NKX2-1: variants seen among roughly 807,000 people sequenced by gnomAD.
NKX2-1 encodes the protein homeobox protein Nkx-2.1.
In NKX2-1, 9 loss-of-function variants were observed where a neutral mutation model predicts 35.1. The observed-to-expected ratio is 0.26, with a 90% CI of 0.15 to 0.45. The LOEUF is 0.45. Among genes scored for constraint, NKX2-1 ranks in the 20% least tolerant of loss-of-function variants. The pLI is 1.00. For missense variants in NKX2-1, 509 were observed against 589.1 expected, an observed-to-expected ratio of 0.86 and a Z score of 1.41; for synonymous variants, 284 against 269.9, an observed-to-expected ratio of 1.05 and a Z score of -0.51.
chr14:36,517,097 G>T lies in NKX2-1; in HGVS notation c.*181C>A. On this transcript the variant is annotated 3_prime_UTR_variant, in exon 3 of 3. Transcript: ENST00000354822. ...AAAAAAACCCACAAATTTTAGGGGG[G>T]GAAAAAAAGAAAGACGTCCAGCAGT... 8.8e-7 allele frequency: 1 copy of T among 1,140,568 alleles called. No individual in the cohort carries two copies. Among genetic ancestry groups the T allele is most frequent in the Non-Finnish European group, 1.2e-6 (1 of 861,372 alleles). 70.7% of individuals were successfully genotyped at this position (1,140,568 alleles called of 1,614,324 possible).
chr14:36,518,050 G>C (rs781414514), intron 2 of NKX2-1, 30 bp from the exon 3 acceptor site: 1 of 1,595,134 alleles, frequency 6.3e-7, no homozygotes, highest in Non-Finnish European at 8.5e-7. Context: ...AGCGTCGGCC[G>C]GGGCCAGGCC....
chr14:36,517,250 G>T lies in NKX2-1; in HGVS notation c.*28C>A, dbSNP rs1455659686. 4 of 1,584,092 alleles carry T rather than the reference G, an allele frequency of 2.5e-6. No homozygotes were observed. In the Admixed American group the frequency reaches 7.4e-5, roughly 29 times the overall value. ...CAGGAGGGAAGCGGTGAGGCAGAGC[G>T]CTGGGCTAGGGCCGGCCCGGCGTCC... is the stretch of plus-strand genomic sequence containing the variant. On this transcript the variant is annotated 3_prime_UTR_variant, in exon 3 of 3. Coordinates refer to ENST00000354822, the MANE Select transcript of NKX2-1 (RefSeq NM_001079668.3).
chr14:36,519,609 A>C (rs763263648), intron 1 of NKX2-1: 1 of 1,532,542 alleles, frequency 6.5e-7, no homozygotes, highest in South Asian at 1.2e-5. Context: ...GCGGGGCGTA[A>C]GCGCTAAAGC....
chr14:36,517,839 G>A lies in NKX2-1; in HGVS notation c.645C>T (p.Tyr215=), dbSNP rs1566615444. 1 of 1,612,672 alleles carries A rather than the reference G, an allele frequency of 6.2e-7. No individual in the cohort carries two copies. Among genetic ancestry groups the A allele is most frequent in the Non-Finnish European group, 8.5e-7 (1 of 1,179,620 alleles). Residue 215 remains tyrosine (Y), a synonymous_variant, in exon 3 of 3, where the codon TAC becomes TAT. Coordinates refer to ENST00000354822, the MANE Select transcript of NKX2-1 (RefSeq NM_001079668.3). ...GGTGCTCGCGCTCCGGCGCCGACAG[G>A]TACTTCTGTTGCTTGAAGCGTCGCT... ...ELERRFKQQK[Y]LSAPEREHLA...
Position 36,519,078 on chromosome 14 carries a change from TGTTGCCCAG to T in NKX2-1, c.361_369del (p.Leu121_Asn123del), listed in dbSNP as rs1881209311. 1.2e-6 allele frequency: 2 copies of T among 1,601,666 alleles called. No homozygotes were observed. The highest frequency in any genetic ancestry group is 2.7e-5 in the African/African-American group (2 of 74,960). ...TCCTGGTACGGCGGCAGCTCGCTCA[TGTTGCCCAG>T]GTTGCCGTTGCAGTAGCCCCCCACG... On this transcript the variant is annotated inframe_deletion, in exon 2 of 3. Coordinates refer to ENST00000354822, the MANE Select transcript of NKX2-1 (RefSeq NM_001079668.3).
At position 36,520,035 on chromosome 14, in the gene NKX2-1, A is replaced by G. The variant is rs1028441864; in HGVS notation, c.77+18T>C. The G allele has an allele frequency of 4.3e-6, 7 of 1,612,716 alleles. No individual in the cohort carries two copies. The African/African-American group carries it at 8.0e-5, about 18-fold the overall frequency. On this transcript the variant is annotated intron_variant, in intron 1 of 2. Transcript: ENST00000354822. Reference sequence around the variant, plus strand: ...GTCTTTAGGAGGAGGGGGCTGAGGGACAGGGTGGGGGTTTCACCTGAGCCT... The same window carrying G: ...GTCTTTAGGAGGAGGGGGCTGAGGGGCAGGGTGGGGGTTTCACCTGAGCCT...
intron 1 of NKX2-1, chr14:36,519,802 G>A (rs1881262438): frequency 1.4e-6 from 2 of 1,415,778 alleles, no homozygotes; most frequent in Admixed American, 5.1e-5. Flanking sequence ...ATTTTTTGTG[G>A]GGTACCAGCG....
chr14:36,519,429 G>C, intron 1 of NKX2-1, 59 bp from the exon 2 acceptor site: 1 of 1,599,010 alleles, frequency 6.3e-7, no homozygotes, highest in Non-Finnish European at 8.5e-7. Context: ...AAGCCTCGCT[G>C]CTTTTTTTTT....
intron 2 of NKX2-1, 76 bp downstream of exon 2, chr14:36,518,909 G>C (rs759201022): frequency 2.9e-6 from 4 of 1,386,694 alleles, no homozygotes; most frequent in Admixed American, 6.8e-5. Context: ...GCCTGCCGGC[G>C]CCGCGCCTTC....
intron 2 of NKX2-1, 31 bp from the exon 3 acceptor site, chr14:36,518,051 G>C: frequency 1.3e-6 from 2 of 1,594,582 alleles, no homozygotes; most frequent in East Asian, 2.2e-5. Context: ...GCGTCGGCCG[G>C]GGCCAGGCCG....
Position 36,517,484 on chromosome 14 carries a change from T to C in NKX2-1, c.1000A>G (p.Ile334Val). ...CCGGCGCCACCGCTGCCCACGGAGA[T>C]GGCCGCTGCCGCCGCCTGCGCGGCC... ...AQAAQAAAAA[I>V]SVGSGGAGLG... The change falls in exon 3 of 3, where the codon ATC becomes GTC. Residue 334 changes from isoleucine to valine, a missense_variant. Physicochemically the swap from Ile to Val is conservative, Grantham distance 29. Around this residue, in one of 5 missense-constraint regions of NKX2-1, gnomAD observed 212 missense variants for 227.7 expected, o/e 0.93. Transcript: ENST00000354822. The C allele has an allele frequency of 1.5e-6, 2 of 1,362,792 alleles. No homozygotes were observed. The highest frequency in any genetic ancestry group is 1.9e-6 in the Non-Finnish European group (2 of 1,063,492). 84.4% of individuals were successfully genotyped at this position (1,362,792 alleles called of 1,614,324 possible).
chr14:36,520,082 C>T lies in NKX2-1; in HGVS notation c.48G>A (p.Ala16=), dbSNP rs774393926. Reference sequence around the variant, plus strand: ...GCCTGCCGGGGCTGCTCCTCCCTCCCGCCGCGGCCTCCCAGCCCCGCGCCT... The same window carrying T: ...GCCTGCCGGGGCTGCTCCTCCCTCCTGCCGCGGCCTCCCAGCCCCGCGCCT... ...SGKARGWEAA[A]GGRSSPGRLS... Residue 16 remains alanine, a synonymous_variant, in exon 1 of 3, where the codon GCG becomes GCA. Coordinates refer to ENST00000354822, the MANE Select transcript of NKX2-1 (RefSeq NM_001079668.3). 1 of 1,613,070 alleles carries T rather than the reference C, an allele frequency of 6.2e-7. No individual in the cohort carries two copies. The highest frequency in any genetic ancestry group is 8.5e-7 in the Non-Finnish European group (1 of 1,179,886).
At position 36,517,740 on chromosome 14, in the gene NKX2-1, G is replaced by A; in HGVS notation, c.744C>T (p.Arg248=). 1.9e-6 allele frequency: 3 copies of A among 1,610,710 alleles called. No individual in the cohort carries two copies. The highest frequency in any genetic ancestry group is 1.7e-6 in the Non-Finnish European group (2 of 1,179,136). ...GCTGCGCCGCCTTGTCCTTGGCCTGGCGCTTCATTTTGTAGCGGTGGTTCT... is the reference window on the plus strand; with the variant it reads ...GCTGCGCCGCCTTGTCCTTGGCCTGACGCTTCATTTTGTAGCGGTGGTTCT... ...WFQNHRYKMK[R]QAKDKAAQQQ... The change falls in exon 3 of 3, where the codon CGC becomes CGT. Residue 248 remains arginine (R), a synonymous_variant. Transcript: ENST00000354822.
Position 36,517,641 on chromosome 14 carries a change from C to A in NKX2-1, c.843G>T (p.Gln281His), listed in dbSNP as rs768541571. 24 of 1,543,686 alleles carry A rather than the reference C, an allele frequency of 1.6e-5. No individual in the cohort carries two copies. In the Middle Eastern group the frequency reaches 2.9e-3, roughly 189 times the overall value. Residue 281 changes from glutamine (Q) to histidine (H), a missense_variant, in exon 3 of 3, where the codon CAG (glutamine) becomes CAT (histidine). Around this residue, in one of 5 missense-constraint regions of NKX2-1, gnomAD observed 212 missense variants for 227.7 expected, o/e 0.93. Transcript: ENST00000354822. The stretch of plus-strand genomic sequence containing the variant: ...CCGCCACGCGTCGCGGCGACTGCTG[C>A]TGAGCCTGTTGCTGCTGCGGGCACC... ...GTGCPQQQQA[Q>H]QQSPRRVAVP...
Position 36,516,433 on chromosome 14 carries a change from T to G in NKX2-1, c.*845A>C, listed in dbSNP as rs974622606. 2 of 226,014 alleles carry G rather than the reference T, an allele frequency of 8.8e-6. No homozygotes were observed. The highest frequency in any genetic ancestry group is 1.8e-5 in the Non-Finnish European group (2 of 113,640). The allele number at this position is 226,014 out of a possible 1,614,324, so 14.0% of individuals were successfully genotyped here. On this transcript the variant is annotated 3_prime_UTR_variant, in exon 3 of 3. Coordinates refer to ENST00000354822, the MANE Select transcript of NKX2-1 (RefSeq NM_001079668.3). Reference sequence around the variant, plus strand: ...AAAAGAATCTTTTTAATTTGTATAATTTATTAGAAGCTTCTTAGGAACTAT... The same window carrying G: ...AAAAGAATCTTTTTAATTTGTATAAGTTATTAGAAGCTTCTTAGGAACTAT...
At chr14:36,519,649 C>G (rs757162324) in intron 1 of NKX2-1, 45 of 1,525,010 alleles carry the variant, frequency 3.0e-5, no homozygotes, top group Non-Finnish European at 3.6e-5. Flanking sequence ...ACATCTTGCC[C>G]GAGATAATTA....
chr14:36,519,422 C>G (rs763831677), intron 1 of NKX2-1, 52 bp from the exon 2 acceptor site: 232 of 1,604,944 alleles, frequency 1.4e-4, no homozygotes, highest in Middle Eastern at 3.4e-4. Flanking sequence ...GAAGGCGAAG[C>G]CTCGCTGCTT....
At chr14:36,518,090 T>C in intron 2 of NKX2-1, 70 bp from the exon 3 acceptor site, 3 of 1,565,246 alleles carry the variant, frequency 1.9e-6, no homozygotes, top group East Asian at 2.3e-5. Flanking sequence ...TTCCGCGCCA[T>C]TGGCCCGCCC....
intron 1 of NKX2-1, 100 bp from the exon 2 acceptor site, chr14:36,519,470 T>C: frequency 6.4e-7 from 1 of 1,553,418 alleles, no homozygotes; most frequent in South Asian, 1.2e-5. Flanking sequence ...GGTGTTACCT[T>C]AACGCCGATC....
Sources: allele counts gnomAD v4.1 joint callset, GRCh38; gene constraint gnomAD v4.1.1; regional missense constraint gnomAD v4.1.1; transcripts MANE v1.5; gene names NCBI Gene and HGNC (gene_info 2026-07-23, HGNC 2026-07-21).